SLC16A10: variants seen among roughly 807,000 people sequenced by gnomAD.
SLC16A10 encodes solute carrier family 16 member 10.
Under a neutral mutation model 40.0 loss-of-function variants are expected in SLC16A10, and 27 were observed. The observed-to-expected ratio is 0.67, with a 90% CI of 0.50 to 0.93. The LOEUF is 0.93. Among genes scored for constraint, SLC16A10 ranks in the 40% least tolerant of loss-of-function variants. The pLI, the probability that SLC16A10 is intolerant of heterozygous loss-of-function variation, is 0.00. For synonymous variants in SLC16A10, 213 were observed against 249.8 expected (o/e 0.85, Z 1.39); for missense variants, 529 against 658.2 (o/e 0.80, Z 2.15).
chr6:111,194,613 T>A (rs117627291), intron 3 of SLC16A10, among the ~76,000 whole-genome samples: 137 of 149,856 alleles, frequency 9.1e-4, no homozygotes, highest in Non-Finnish European at 1.6e-3. Flanking sequence ...GGATTTAGAA[T>A]GCTGCCACAT....
chr6:111,162,035 C>T (rs1330363702), intron 1 of SLC16A10, among the ~76,000 whole-genome samples: 1 of 152,060 alleles, frequency 6.6e-6, no homozygotes, highest in African/African-American at 2.4e-5. Context: ...AAAATGCAGA[C>T]AAAAACTTAA....
rs769583773 is a variant in SLC16A10, at chr6:111,206,757, C to T, written c.1086+22C>T. ...ACAGGTACTTTTTTACACCTTTTTT[C>T]CCCTATCAAAAATTACTCTCATCAC... On this transcript the variant is annotated intron_variant, in intron 4 of 5. Coordinates refer to ENST00000368851, the MANE Select transcript of SLC16A10 (RefSeq NM_018593.5). The T allele has an allele frequency of 4.2e-5, 67 of 1,604,944 alleles. No individual in the cohort carries two copies. The East Asian group carries it at 1.4e-3, about 35-fold the overall frequency.
rs1045448771 is a variant in SLC16A10, at chr6:111,228,380, A to G, written c.*6145A>G. ...AAATGCTGTTCTTGAGTGTGGCAAT[A>G]GTGTAGGAGTTAACCCAGTCTACCC... On this transcript the variant is annotated 3_prime_UTR_variant, in exon 6 of 6. Transcript: ENST00000368851. 1.3e-5 allele frequency: 2 copies of G among 152,216 alleles called. No individual in the cohort carries two copies. The highest frequency in any genetic ancestry group is 4.8e-5 in the African/African-American group (2 of 41,454). 9.4% of individuals were successfully genotyped at this position (152,216 alleles called of 1,614,324 possible).
At chr6:111,212,916 T>C (rs1218244890) in intron 4 of SLC16A10, among the ~76,000 whole-genome samples, 1 of 152,116 alleles carries the variant, frequency 6.6e-6, no homozygotes, top group Non-Finnish European at 1.5e-5. Flanking sequence ...GTTCCCAGAA[T>C]ATATACTTTA....
chr6:111,105,006 C>T (rs1405769400), intron 1 of SLC16A10, among the ~76,000 whole-genome samples: 1 of 151,848 alleles, frequency 6.6e-6, no homozygotes, highest in Admixed American at 6.6e-5. Context: ...TTTTACTATC[C>T]CTGTCTTAGG....
chr6:111,176,233 A>C (rs1308333229), intron 2 of SLC16A10, among the ~76,000 whole-genome samples: 1 of 152,172 alleles, frequency 6.6e-6, no homozygotes, highest in Non-Finnish European at 1.5e-5. Flanking sequence ...ATTTTATCAG[A>C]TTCTAGAGTT....
At chr6:111,178,430 A>T (rs1772728882) in intron 3 of SLC16A10, 1 of 532,278 alleles carries the variant, frequency 1.9e-6, no homozygotes, top group Non-Finnish European at 3.9e-6. Flanking sequence ...ATACTGAAAT[A>T]CGAATAATTA....
At chr6:111,217,743 C>A (rs921265808) in intron 4 of SLC16A10, among the ~76,000 whole-genome samples, 2 of 152,152 alleles carry the variant, frequency 1.3e-5, no homozygotes, top group Non-Finnish European at 2.9e-5. Flanking sequence ...AGCCACCGTG[C>A]CCGGCCATGA....
At position 111,150,208 on chromosome 6, in the gene SLC16A10, C is replaced by A. The variant is rs1469377496; in HGVS notation, c.344-22487C>A. On this transcript the variant is annotated intron_variant, in intron 1 of 5. Transcript: ENST00000368851. Reference sequence around the variant, plus strand: ...TTCCTTATAAAAGGAAGTGTTTGACCCCCTTTCCTTGCCACCTCATGCATG... The same window carrying A: ...TTCCTTATAAAAGGAAGTGTTTGACACCCTTTCCTTGCCACCTCATGCATG... 2.0e-5 allele frequency among the ~76,000 whole-genome samples: 3 copies of A among 152,148 alleles called. No homozygotes were observed. In the East Asian group the frequency reaches 5.8e-4, roughly 29 times the overall value.
At chr6:111,191,379 A>T (rs1372227806) in intron 3 of SLC16A10, among the ~76,000 whole-genome samples, 1 of 152,202 alleles carries the variant, frequency 6.6e-6, no homozygotes, top group Non-Finnish European at 1.5e-5. Flanking sequence ...ATAGTATTCC[A>T]TGGTGTATAT....
chr6:111,090,112 T>C (rs1007427786), intron 1 of SLC16A10, among the ~76,000 whole-genome samples: 2 of 152,046 alleles, frequency 1.3e-5, no homozygotes, highest in Admixed American at 1.3e-4. Flanking sequence ...GTTTTTCTTT[T>C]GCACTCTGTG....
intron 1 of SLC16A10, among the ~76,000 whole-genome samples, chr6:111,090,407 C>CTA (rs1770953988): frequency 6.6e-6 from 1 of 152,140 alleles, no homozygotes; most frequent in Non-Finnish European, 1.5e-5. Context: ...CAGAAGGGCC[C>CTA]TATGCACTTG....
chr6:111,213,166 A>G (rs770150400), intron 4 of SLC16A10, among the ~76,000 whole-genome samples: 1 of 152,230 alleles, frequency 6.6e-6, no homozygotes, highest in Non-Finnish European at 1.5e-5. Context: ...TGACATGGAC[A>G]TATTGAAGCA....
intron 4 of SLC16A10, among the ~76,000 whole-genome samples, chr6:111,213,086 T>C (rs1773370315): frequency 6.6e-6 from 1 of 152,188 alleles, no homozygotes; most frequent in African/African-American, 2.4e-5. Context: ...GGTTTGAAAG[T>C]TAAAACTGTG....
intron 1 of SLC16A10, among the ~76,000 whole-genome samples, chr6:111,145,501 A>G (rs1772061436): frequency 6.6e-6 from 1 of 152,232 alleles, no homozygotes; most frequent in South Asian, 2.1e-4. Context: ...AGTTTTTCCA[A>G]CAAATGGTGC....
intron 1 of SLC16A10, among the ~76,000 whole-genome samples, chr6:111,143,986 G>A (rs1157714522): frequency 3.3e-5 from 5 of 152,028 alleles, no homozygotes; most frequent in Non-Finnish European, 7.4e-5. Flanking sequence ...ATGGACTTTG[G>A]ATTATAATGA....
At position 111,231,066 on chromosome 6, in the gene SLC16A10, A is replaced by G. The variant is rs1410154817; in HGVS notation, c.*8831A>G. On this transcript the variant is annotated 3_prime_UTR_variant, in exon 6 of 6. Coordinates refer to ENST00000368851, the MANE Select transcript of SLC16A10 (RefSeq NM_018593.5). ...ATTTACAATTTTTTTAATAATGTGCAATTTAATATAGATAACCAAAATCTT... is the reference window on the plus strand; with the variant it reads ...ATTTACAATTTTTTTAATAATGTGCGATTTAATATAGATAACCAAAATCTT... 1.3e-5 allele frequency: 2 copies of G among 152,190 alleles called. No homozygotes were observed. Among genetic ancestry groups the G allele is most frequent in the Non-Finnish European group, 2.9e-5 (2 of 68,050 alleles). 9.4% of individuals were successfully genotyped at this position (152,190 alleles called of 1,614,324 possible).
At chr6:111,185,693 G>A (rs1392303972) in intron 3 of SLC16A10, among the ~76,000 whole-genome samples, 2 of 152,078 alleles carry the variant, frequency 1.3e-5, no homozygotes, top group Admixed American at 6.6e-5. Context: ...AACAAAAATG[G>A]ACATGTACAA....
intron 1 of SLC16A10, among the ~76,000 whole-genome samples, chr6:111,105,890 G>A (rs1217650900): frequency 6.6e-6 from 1 of 152,186 alleles, no homozygotes; most frequent in Admixed American, 6.5e-5. Flanking sequence ...TGGATGAAAG[G>A]GAATTGATAG....
Sources: allele counts gnomAD v4.1 joint callset (sites outside exome capture counted in the v4.1 genomes callset), GRCh38; gene constraint gnomAD v4.1.1; transcripts MANE v1.5; gene names NCBI Gene and HGNC (gene_info 2026-07-23, HGNC 2026-07-21).